Variants in EPB41L2 observed in about 807,000 individuals in gnomAD.
The protein encoded by EPB41L2 is erythrocyte membrane protein band 4.1 like 2, also known as band 4.1-like protein 2.
In EPB41L2, 43 loss-of-function variants were observed where a neutral mutation model predicts 113.0. The observed-to-expected ratio is 0.38, with a 90% CI of 0.30 to 0.49. The LOEUF is 0.49. EPB41L2 is among the 20% of genes least tolerant of loss of function. The probability of loss-of-function intolerance (pLI) is 0.95; values close to 1 mark genes in which losing one functional copy is unlikely to be tolerated. For missense variants in EPB41L2, 1,147 were observed against 1,223.4 expected, an observed-to-expected ratio of 0.94 and a Z score of 0.93; for synonymous variants, 442 against 436.7, an observed-to-expected ratio of 1.01 and a Z score of -0.15.
chr6:131,057,455 C>A (rs1797812007), intron 1 of EPB41L2, among the ~76,000 whole-genome samples: 1 of 152,172 alleles, frequency 6.6e-6, no homozygotes, highest in South Asian at 2.1e-4. Flanking sequence ...AGAATTATGG[C>A]AGAGTGTAAA....
At chr6:130,876,407 A>C (rs1787565714) in intron 14 of EPB41L2, among the ~76,000 whole-genome samples, 1 of 152,238 alleles carries the variant, frequency 6.6e-6, no homozygotes, top group African/African-American at 2.4e-5. Context: ...AGCCACATAC[A>C]TCAAATTAGG....
At chr6:130,876,173 A>C (rs984261914) in intron 14 of EPB41L2, among the ~76,000 whole-genome samples, 1 of 152,200 alleles carries the variant, frequency 6.6e-6, no homozygotes, top group Admixed American at 6.5e-5. Context: ...CACCAGTGTC[A>C]GAAATGTCAC....
intron 3 of EPB41L2, among the ~76,000 whole-genome samples, chr6:130,943,888 T>C (rs1487134717): frequency 6.6e-6 from 1 of 151,986 alleles, no homozygotes; most frequent in Middle Eastern, 3.2e-3. Flanking sequence ...CCAACAGAAG[T>C]GAAAGAACAG....
intron 3 of EPB41L2, among the ~76,000 whole-genome samples, chr6:130,929,616 A>G (rs1806014753): frequency 6.6e-6 from 1 of 152,170 alleles, no homozygotes; most frequent in Admixed American, 6.5e-5. Context: ...TGGTCTCAGG[A>G]AATTTATATG....
At chr6:130,957,401 G>T (rs191605497) in intron 1 of EPB41L2, among the ~76,000 whole-genome samples, 1 of 152,228 alleles carries the variant, frequency 6.6e-6, no homozygotes, top group Non-Finnish European at 1.5e-5. Context: ...GGGGCCTGCG[G>T]AGATAGCCGA....
At chr6:130,909,708 G>A (rs1798766092) in intron 4 of EPB41L2, among the ~76,000 whole-genome samples, 2 of 152,166 alleles carry the variant, frequency 1.3e-5, no homozygotes, top group Admixed American at 6.5e-5. Context: ...CAAAATCAAT[G>A]TGCGAAAATC....
intron 1 of EPB41L2, among the ~76,000 whole-genome samples, chr6:131,042,103 T>C (rs770727955): frequency 6.6e-5 from 10 of 152,176 alleles, no homozygotes; most frequent in South Asian, 2.1e-4. Flanking sequence ...AGTAATTAGT[T>C]GGAAGGCGGG....
chr6:130,889,950 T>C (rs1792243261), intron 11 of EPB41L2, among the ~76,000 whole-genome samples: 2 of 152,142 alleles, frequency 1.3e-5, no homozygotes, highest in African/African-American at 4.8e-5. Context: ...AATCTGAACA[T>C]ATGAAATCTG....
intron 1 of EPB41L2, among the ~76,000 whole-genome samples, chr6:131,049,071 G>C (rs900503591): frequency 6.6e-6 from 1 of 152,196 alleles, no homozygotes; most frequent in Admixed American, 6.5e-5. Context: ...CAATTGGTAG[G>C]AGCCACATCT....
intron 1 of EPB41L2, among the ~76,000 whole-genome samples, chr6:130,999,463 TA>T (rs1017859624): frequency 6.6e-6 from 1 of 152,214 alleles, no homozygotes. Flanking sequence ...AAAGTTATTG[TA>T]ATATTAAGTC....
chr6:130,879,931 T>G (rs1483344915), intron 13 of EPB41L2, among the ~76,000 whole-genome samples: 1 of 152,184 alleles, frequency 6.6e-6, no homozygotes. Context: ...TTTTTCCCAC[T>G]TGTCACTTTG....
chr6:130,889,169 TA>T (rs1791987885), intron 11 of EPB41L2, among the ~76,000 whole-genome samples: 1 of 151,684 alleles, frequency 6.6e-6, no homozygotes, highest in African/African-American at 2.4e-5. Context: ...TTAGTATTAT[TA>T]TTATATATAT....
chr6:130,961,884 G>A (rs1346524735), intron 1 of EPB41L2, among the ~76,000 whole-genome samples: 1 of 152,180 alleles, frequency 6.6e-6, no homozygotes, highest in African/African-American at 2.4e-5. Flanking sequence ...GAGGATGGAG[G>A]GAGGCTTTCA....
intron 1 of EPB41L2, among the ~76,000 whole-genome samples, chr6:130,964,656 AAATAAT>A (rs879811797): frequency 4.6e-5 from 7 of 151,728 alleles, no homozygotes; most frequent in African/African-American, 9.7e-5. Flanking sequence ...TTGTTTACTA[AAATAAT>A]AATAATAATA....
At chr6:130,931,171 C>T (rs186810508) in intron 3 of EPB41L2, among the ~76,000 whole-genome samples, 35 of 152,132 alleles carry the variant, frequency 2.3e-4, no homozygotes, top group South Asian at 8.3e-4. Flanking sequence ...AAAGAAACAA[C>T]GCTATAAAAC....
chr6:130,943,293 C>A (rs963676627), intron 3 of EPB41L2, among the ~76,000 whole-genome samples: 1 of 152,248 alleles, frequency 6.6e-6, no homozygotes, highest in Non-Finnish European at 1.5e-5. Flanking sequence ...GCCATTCTAA[C>A]TGGCGTGAGT....
chr6:130,990,085 C>T (rs1781470570), intron 1 of EPB41L2, among the ~76,000 whole-genome samples: 1 of 152,120 alleles, frequency 6.6e-6, no homozygotes, highest in African/African-American at 2.4e-5. Flanking sequence ...CTTTGGGAGG[C>T]CAAGGCAGGT....
intron 1 of EPB41L2, among the ~76,000 whole-genome samples, chr6:130,958,153 C>G (rs1335894563): frequency 6.6e-6 from 1 of 151,924 alleles, no homozygotes; most frequent in Non-Finnish European, 1.5e-5. Context: ...GCATGTTGCA[C>G]AAAAAACACA....
At chr6:130,941,096 G>A (rs1810719088) in intron 3 of EPB41L2, among the ~76,000 whole-genome samples, 1 of 152,084 alleles carries the variant, frequency 6.6e-6, no homozygotes, top group African/African-American at 2.4e-5. Context: ...AATTATTTCT[G>A]AACACATAGG....
Sources: allele counts gnomAD v4.1 joint callset (sites outside exome capture counted in the v4.1 genomes callset), GRCh38; gene constraint gnomAD v4.1.1; transcripts MANE v1.5; gene names NCBI Gene and HGNC (gene_info 2026-07-23, HGNC 2026-07-21).